Variants in SLC24A3 observed in about 807,000 individuals in gnomAD.
SLC24A3 encodes sodium/potassium/calcium exchanger 3.
SLC24A3 carries 28 observed loss-of-function variants against 75.8 expected under a neutral mutation model. That is an observed-to-expected ratio of 0.37 (90% CI 0.27 to 0.51). The LOEUF (loss-of-function observed/expected upper bound fraction) is 0.51. SLC24A3 is among the 20% of genes least tolerant of loss of function. The pLI is 0.94. For synonymous variants in SLC24A3, 372 were observed against 334.1 expected (o/e 1.11, Z -1.24); for missense variants, 663 against 847.8 (o/e 0.78, Z 2.71).
At chr20:19,559,428 A>G (rs540045424) in intron 3 of SLC24A3, among the ~76,000 whole-genome samples, 1 of 152,264 alleles carries the variant, frequency 6.6e-6, no homozygotes, top group South Asian at 2.1e-4. Context: ...TTTTCTTAGC[A>G]GCATCTGTTG....
intron 1 of SLC24A3, among the ~76,000 whole-genome samples, chr20:19,241,414 G>C (rs1412482048): frequency 1.3e-5 from 2 of 152,186 alleles, no homozygotes; most frequent in African/African-American, 2.4e-5. Context: ...TCTCCTCTCA[G>C]GCCGGGGATG....
intron 2 of SLC24A3, among the ~76,000 whole-genome samples, chr20:19,493,735 T>A (rs1988239070): frequency 6.6e-6 from 1 of 152,098 alleles, no homozygotes; most frequent in Admixed American, 6.5e-5. Context: ...TCAGTTAGGC[T>A]AAGGGCAAGT....
At chr20:19,706,139 A>G (rs2032927341) in intron 15 of SLC24A3, among the ~76,000 whole-genome samples, 1 of 152,160 alleles carries the variant, frequency 6.6e-6, no homozygotes, top group South Asian at 2.1e-4. Context: ...TCCAGAAACA[A>G]CAGAGACAAA....
chr20:19,480,296 C>T (rs1416130020), intron 2 of SLC24A3, among the ~76,000 whole-genome samples: 1 of 152,052 alleles, frequency 6.6e-6, no homozygotes, highest in Non-Finnish European at 1.5e-5. Context: ...GCTGTTTTCT[C>T]CTTTGGACTA....
intron 2 of SLC24A3, among the ~76,000 whole-genome samples, chr20:19,496,890 G>A (rs981605955): frequency 1.3e-5 from 2 of 152,182 alleles, no homozygotes; most frequent in African/African-American, 4.8e-5. Flanking sequence ...AGAGGAGTTT[G>A]TGGGAGCAAT....
chr20:19,307,324 A>G (rs1307288615), intron 2 of SLC24A3, among the ~76,000 whole-genome samples: 1 of 152,240 alleles, frequency 6.6e-6, no homozygotes, highest in Non-Finnish European at 1.5e-5. Flanking sequence ...TGTATATCAA[A>G]TGCACAGACT....
At chr20:19,669,212 G>A (rs1353005779) in intron 8 of SLC24A3, among the ~76,000 whole-genome samples, 1 of 152,160 alleles carries the variant, frequency 6.6e-6, no homozygotes, top group East Asian at 1.9e-4. Flanking sequence ...CTTGACATAG[G>A]AAGCATCGGC....
intron 1 of SLC24A3, among the ~76,000 whole-genome samples, chr20:19,248,154 G>A (rs1982549665): frequency 6.6e-6 from 1 of 152,168 alleles, no homozygotes; most frequent in South Asian, 2.1e-4. Flanking sequence ...ACAAGGTGGA[G>A]GGCTTGGAGA....
At chr20:19,393,420 G>T (rs889530385) in intron 2 of SLC24A3, among the ~76,000 whole-genome samples, 1 of 152,104 alleles carries the variant, frequency 6.6e-6, no homozygotes, top group Non-Finnish European at 1.5e-5. Context: ...TATTGGAAAG[G>T]AAGTAGTAAA....
intron 1 of SLC24A3, among the ~76,000 whole-genome samples, chr20:19,219,418 T>C (rs1176417675): frequency 6.6e-6 from 1 of 152,192 alleles, no homozygotes; most frequent in Non-Finnish European, 1.5e-5. Context: ...TCTTTGCTAG[T>C]TGCTAGGGTG....
In SLC24A3 at chr20:19,245,498, A is replaced by G. The variant is rs1340369182; in HGVS notation, c.142+32514A>G. On this transcript the variant is annotated intron_variant, in intron 1 of 16. Coordinates refer to ENST00000328041, the MANE Select transcript of SLC24A3 (RefSeq NM_020689.4). The stretch of plus-strand genomic sequence containing the variant: ...CCTGTATTTTTGAAGAAGACAGTCA[A>G]TATAGAGTGAAATTTAATTTTATTA... 2.6e-5 allele frequency among the ~76,000 whole-genome samples: 4 copies of G among 152,192 alleles called. 1 individual carries two copies. Among genetic ancestry groups the G allele is most frequent in the African/African-American group, 9.6e-5 (4 of 41,452 alleles).
intron 2 of SLC24A3, among the ~76,000 whole-genome samples, chr20:19,309,463 A>G (rs1435355859): frequency 6.6e-6 from 1 of 152,134 alleles, no homozygotes; most frequent in African/African-American, 2.4e-5. Flanking sequence ...CACCTCTTGG[A>G]AGCTTGTTAG....
At chr20:19,257,670 T>C (rs1982856466) in intron 1 of SLC24A3, 1 of 152,226 alleles carries the variant, frequency 6.6e-6, no homozygotes, top group South Asian at 2.1e-4. Flanking sequence ...GTCTCACTTA[T>C]ATCTCTTTTC....
chr20:19,304,906 T>C (rs896011530), intron 2 of SLC24A3, among the ~76,000 whole-genome samples: 1 of 152,244 alleles, frequency 6.6e-6, no homozygotes, highest in East Asian at 1.9e-4. Flanking sequence ...ATTTTGGCCC[T>C]GTCTGAACTT....
chr20:19,279,466 T>C (rs73278925), intron 1 of SLC24A3, among the ~76,000 whole-genome samples: 2,285 of 152,320 alleles, frequency 0.015, 68 homozygotes, highest in African/African-American at 0.052. Flanking sequence ...TCATCTTACC[T>C]GATCTGTCCA....
At chr20:19,315,825 G>A (rs780237994) in intron 2 of SLC24A3, among the ~76,000 whole-genome samples, 1 of 152,184 alleles carries the variant, frequency 6.6e-6, no homozygotes, top group South Asian at 2.1e-4. Flanking sequence ...GGGATTATGT[G>A]CCAGTAAGCC....
intron 2 of SLC24A3, among the ~76,000 whole-genome samples, chr20:19,508,107 G>A (rs1209895384): frequency 6.6e-6 from 1 of 152,186 alleles, no homozygotes; most frequent in African/African-American, 2.4e-5. Context: ...AAGGCTTTGT[G>A]AGAAGCGGAG....
intron 1 of SLC24A3, among the ~76,000 whole-genome samples, chr20:19,232,515 G>A (rs1389823883): frequency 6.6e-6 from 1 of 152,038 alleles, no homozygotes; most frequent in Non-Finnish European, 1.5e-5. Context: ...ATTTATTGTT[G>A]GTTATTTAAA....
At chr20:19,303,643 G>A (rs764646260) in intron 2 of SLC24A3, among the ~76,000 whole-genome samples, 1 of 152,206 alleles carries the variant, frequency 6.6e-6, no homozygotes, top group African/African-American at 2.4e-5. Flanking sequence ...AGGAAAGGGA[G>A]TGAATTGAAG....
Sources: allele counts gnomAD v4.1 joint callset (sites outside exome capture counted in the v4.1 genomes callset), GRCh38; gene constraint gnomAD v4.1.1; transcripts MANE v1.5; gene names NCBI Gene and HGNC (gene_info 2026-07-23, HGNC 2026-07-21).